NELL1: variants seen among roughly 807,000 people sequenced by gnomAD.
NELL1 encodes protein kinase C-binding protein NELL1.
A neutral mutation model predicts 107.4 loss-of-function variants in NELL1; 76 were observed. The ratio of observed to expected loss-of-function variants is 0.71; its 90% CI spans 0.59 to 0.86. The LOEUF is 0.86. Among genes scored for constraint, NELL1 ranks in the 40% least tolerant of loss-of-function variants. The probability of loss-of-function intolerance (pLI) is 0.00; values close to 1 mark genes in which losing one functional copy is unlikely to be tolerated. For synonymous variants in NELL1, 353 were observed against 341.2 expected, an observed-to-expected ratio of 1.03 and a Z score of -0.38; for missense variants, 1,024 against 1,005.5, an observed-to-expected ratio of 1.02 and a Z score of -0.25.
At position 21,016,490 on chromosome 11, in the gene NELL1, A is replaced by G. The variant is rs572196354; in HGVS notation, c.1300+55930A>G. On this transcript the variant is annotated intron_variant, in intron 12 of 19. Transcript: ENST00000357134. ...TCTTTCTCCATTCTTACCCACACGT[A>G]CCCTTTGTTCTAGCCATAGTGAAGA... 5.3e-5 allele frequency among the ~76,000 whole-genome samples: 8 copies of G among 152,080 alleles called. No individual in the cohort carries two copies. In the South Asian group the frequency reaches 1.0e-3, roughly 20 times the overall value.
chr11:21,111,471 G>A (rs1163475547), intron 12 of NELL1, among the ~76,000 whole-genome samples: 1 of 151,988 alleles, frequency 6.6e-6, no homozygotes, highest in East Asian at 1.9e-4. Context: ...GTCATTCTCT[G>A]CACCAATCAG....
chr11:21,101,191 G>A (rs570423737), intron 12 of NELL1, among the ~76,000 whole-genome samples: 52 of 152,256 alleles, frequency 3.4e-4, no homozygotes, highest in African/African-American at 1.2e-3. Context: ...TGGCTGCATA[G>A]TATTCCATGG....
intron 2 of NELL1, among the ~76,000 whole-genome samples, chr11:20,725,776 A>G (rs1245921571): frequency 6.6e-6 from 1 of 152,174 alleles, no homozygotes; most frequent in Non-Finnish European, 1.5e-5. Context: ...TTTTAGATTC[A>G]GGGGGTCCAT....
At chr11:21,482,101 A>G (rs77024347) in intron 15 of NELL1, among the ~76,000 whole-genome samples, 6,727 of 152,302 alleles carry the variant, frequency 0.044, 342 homozygotes, top group East Asian at 0.18. Context: ...TTAACAAGTG[A>G]GATGACTAGT....
chr11:20,758,791 T>C (rs747847579), intron 2 of NELL1, among the ~76,000 whole-genome samples: 2 of 152,202 alleles, frequency 1.3e-5, no homozygotes, highest in Admixed American at 6.5e-5. Context: ...GTGGGAATGA[T>C]AAATGTCTCA....
At chr11:21,461,331 G>A (rs1298017531) in intron 15 of NELL1, among the ~76,000 whole-genome samples, 2 of 152,056 alleles carry the variant, frequency 1.3e-5, no homozygotes, top group Non-Finnish European at 2.9e-5. Context: ...TCAAGGAGCA[G>A]GGACAACCTA....
At chr11:20,790,671 G>A (rs1012119077) in intron 3 of NELL1, among the ~76,000 whole-genome samples, 1 of 152,074 alleles carries the variant, frequency 6.6e-6, no homozygotes, top group Non-Finnish European at 1.5e-5. Context: ...TGTGGAGTGG[G>A]AGGTCTAGAT....
At chr11:21,458,777 G>A (rs1853817356) in intron 15 of NELL1, among the ~76,000 whole-genome samples, 2 of 152,082 alleles carry the variant, frequency 1.3e-5, no homozygotes, top group African/African-American at 4.8e-5. Context: ...TTAGTTTTAG[G>A]TGCAGTATCA....
chr11:21,423,172 C>T (rs902410438), intron 15 of NELL1, among the ~76,000 whole-genome samples: 1 of 152,136 alleles, frequency 6.6e-6, no homozygotes. Context: ...GGAGACCATC[C>T]TCGCCAACAT....
intron 15 of NELL1, among the ~76,000 whole-genome samples, chr11:21,446,242 T>C (rs1853424536): frequency 6.6e-6 from 1 of 152,204 alleles, no homozygotes; most frequent in South Asian, 2.1e-4. Flanking sequence ...GAATACTTTC[T>C]CTGTGTTATC....
At chr11:20,893,382 A>C (rs949205589) in intron 5 of NELL1, among the ~76,000 whole-genome samples, 5 of 150,894 alleles carry the variant, frequency 3.3e-5, no homozygotes, top group Non-Finnish European at 7.4e-5. Flanking sequence ...TTTTTTTTTA[A>C]TAAATAAAAA....
At chr11:21,541,953 C>CT (rs1317067382) in intron 16 of NELL1, among the ~76,000 whole-genome samples, 1 of 152,190 alleles carries the variant, frequency 6.6e-6, no homozygotes, top group East Asian at 1.9e-4. Context: ...AGACACTGCT[C>CT]TCAGCAATTT....
chr11:21,416,813 T>G (rs1344347133), intron 15 of NELL1, among the ~76,000 whole-genome samples: 1 of 152,116 alleles, frequency 6.6e-6, no homozygotes, highest in Non-Finnish European at 1.5e-5. Flanking sequence ...GTGACACATA[T>G]GGAAAAATTC....
intron 14 of NELL1, among the ~76,000 whole-genome samples, chr11:21,258,215 G>C (rs541575174): frequency 1.1e-4 from 16 of 152,072 alleles, no homozygotes; most frequent in African/African-American, 3.9e-4. Context: ...TGAGGACAAG[G>C]GAAAATCTTT....
intron 15 of NELL1, among the ~76,000 whole-genome samples, chr11:21,478,342 G>A (rs1276122212): frequency 6.6e-6 from 1 of 152,062 alleles, no homozygotes; most frequent in African/African-American, 2.4e-5. Context: ...ATATCATTCT[G>A]CCCCTGGTCT....
chr11:20,698,240 G>A (rs1854675483), intron 2 of NELL1, among the ~76,000 whole-genome samples: 1 of 152,166 alleles, frequency 6.6e-6, no homozygotes, highest in Admixed American at 6.6e-5. Flanking sequence ...TCTCTCTGGG[G>A]CAAATTAACA....
intron 14 of NELL1, among the ~76,000 whole-genome samples, chr11:21,249,456 T>C (rs1858582399): frequency 6.6e-6 from 1 of 152,120 alleles, no homozygotes; most frequent in Non-Finnish European, 1.5e-5. Context: ...ATAGCAGCTT[T>C]TTTTATTGGT....
chr11:20,899,396 G>T (rs565182889), intron 5 of NELL1, among the ~76,000 whole-genome samples: 2 of 152,220 alleles, frequency 1.3e-5, no homozygotes, highest in Admixed American at 1.3e-4. Flanking sequence ...TAACTAATCA[G>T]TCTGGGGGAA....
chr11:21,145,068 A>C (rs774217128), intron 13 of NELL1, among the ~76,000 whole-genome samples: 1 of 152,308 alleles, frequency 6.6e-6, no homozygotes, highest in East Asian at 1.9e-4. Context: ...GCACATGTAA[A>C]GCGCTTGGAA....
Sources: allele counts gnomAD v4.1 joint callset (sites outside exome capture counted in the v4.1 genomes callset), GRCh38; gene constraint gnomAD v4.1.1; transcripts MANE v1.5; gene names NCBI Gene and HGNC (gene_info 2026-07-23, HGNC 2026-07-21).